The following NEDD9 variants were observed in gnomAD, a reference collection of about 807,000 sequenced individuals.
NEDD9 encodes enhancer of filamentation 1.
Under a neutral mutation model 76.6 loss-of-function variants are expected in NEDD9, and 26 were observed. The observed-to-expected ratio is 0.34, with a 90% CI of 0.25 to 0.47. NEDD9 has a LOEUF of 0.47. Among genes scored for constraint, NEDD9 ranks in the 20% least tolerant of loss-of-function variants. The pLI is 1.00. For missense variants in NEDD9, 937 were observed against 1,058.5 expected, an observed-to-expected ratio of 0.89 and a Z score of 1.59; for synonymous variants, 392 against 414.2, an observed-to-expected ratio of 0.95 and a Z score of 0.65.
At chr6:11,358,209 A>T (rs1253789215) in intron 1 of NEDD9, among the ~76,000 whole-genome samples, 1 of 135,058 alleles carries the variant, frequency 7.4e-6, no homozygotes, top group Non-Finnish European at 1.5e-5. Flanking sequence ...AGATCACGCC[A>T]CTGCACTCCC....
intron 1 of NEDD9, among the ~76,000 whole-genome samples, chr6:11,346,273 GT>G (rs1246600962): frequency 1.3e-5 from 2 of 152,168 alleles, no homozygotes; most frequent in Non-Finnish European, 2.9e-5. Flanking sequence ...CCATGGAAGG[GT>G]TTTGTTCTGC....
intron 1 of NEDD9, among the ~76,000 whole-genome samples, chr6:11,220,069 C>T (rs539104182): frequency 2.6e-5 from 4 of 152,212 alleles, no homozygotes; most frequent in Admixed American, 2.0e-4. Flanking sequence ...TACTATTTGT[C>T]GACTGTGTTC....
intron 3 of NEDD9, among the ~76,000 whole-genome samples, chr6:11,257,207 T>C (rs1760019078): frequency 6.6e-6 from 1 of 152,228 alleles, no homozygotes; most frequent in African/African-American, 2.4e-5. Flanking sequence ...TTCTTTGCTG[T>C]TGGAGAGTAT....
At chr6:11,228,502 C>T (rs1186806833) in intron 1 of NEDD9, among the ~76,000 whole-genome samples, 3 of 151,978 alleles carry the variant, frequency 2.0e-5, no homozygotes, top group Non-Finnish European at 4.4e-5. Flanking sequence ...TGCACTCCAG[C>T]CTGGGCGACA....
intron 3 of NEDD9, among the ~76,000 whole-genome samples, chr6:11,250,323 C>A (rs184388338): frequency 1.3e-5 from 2 of 152,304 alleles, no homozygotes; most frequent in East Asian, 3.9e-4. Context: ...ATTTGACATA[C>A]CATGAAAATG....
intron 3 of NEDD9, among the ~76,000 whole-genome samples, chr6:11,245,143 T>C (rs1759782948): frequency 6.6e-6 from 1 of 152,166 alleles, no homozygotes; most frequent in South Asian, 2.1e-4. Flanking sequence ...TTAGCTACAT[T>C]GTGAACTTGT....
intron 3 of NEDD9, among the ~76,000 whole-genome samples, chr6:11,275,216 G>C (rs75699881): frequency 0.012 from 1,859 of 152,262 alleles, 33 homozygotes; most frequent in African/African-American, 0.043. Flanking sequence ...GAAGTAGAGA[G>C]TAGAAAGGTG....
intron 1 of NEDD9, among the ~76,000 whole-genome samples, chr6:11,339,930 T>C (rs945573567): frequency 2.6e-5 from 4 of 152,254 alleles, no homozygotes; most frequent in African/African-American, 7.2e-5. Context: ...CTACTTCTTA[T>C]GGTTGATTCC....
At position 11,190,450 on chromosome 6, in the gene NEDD9, A is replaced by G; in HGVS notation, c.1419T>C (p.Ala473=). Residue 473 remains alanine (A), a synonymous_variant, in exon 5 of 7, where the codon GCT becomes GCC. Coordinates refer to ENST00000379446, the MANE Select transcript of NEDD9 (RefSeq NM_006403.4). This position sits in a 1 kb window ranked among gnomAD's most constrained non-coding sequence, Gnocchi z 5.8. ...LHFVKGAVAN[A]ACLPELILHN... ...GGAGGATGAGTTCCGGGAGGCAGGC[A>G]GCATTTGCAACAGCTCCCTTGACAA... 1 of 1,614,216 alleles carries G rather than the reference A, an allele frequency of 6.2e-7. No homozygotes were observed. Among genetic ancestry groups the G allele is most frequent in the South Asian group, 1.1e-5 (1 of 91,078 alleles).
intron 2 of NEDD9, among the ~76,000 whole-genome samples, chr6:11,202,694 T>C (rs1489287776): frequency 2.0e-5 from 3 of 152,234 alleles, no homozygotes; most frequent in Non-Finnish European, 4.4e-5. Context: ...TAATGAAAAC[T>C]GAGTCTGGCC....
At chr6:11,362,451 T>C (rs1762695013) in intron 1 of NEDD9, among the ~76,000 whole-genome samples, 1 of 152,218 alleles carries the variant, frequency 6.6e-6, no homozygotes, top group Non-Finnish European at 1.5e-5. Context: ...TGCCATTTAT[T>C]AGCATGTGTA....
Position 11,183,803 on chromosome 6 carries a change from T to C in NEDD9, c.*1359A>G, listed in dbSNP as rs1757910595. Reference sequence around the variant, plus strand: ...AGTAGGCTGGAATAAAAATGCTAAATAAGAACTGGGCCAAAAGATCATAGA... The same window carrying C: ...AGTAGGCTGGAATAAAAATGCTAAACAAGAACTGGGCCAAAAGATCATAGA... On this transcript the variant is annotated 3_prime_UTR_variant, in exon 7 of 7. Transcript: ENST00000379446. 6.6e-6 allele frequency: 1 copy of C among 152,220 alleles called. No homozygotes were observed. The highest frequency in any genetic ancestry group is 2.1e-4 in the South Asian group (1 of 4,836). 9.4% of individuals were successfully genotyped at this position (152,220 alleles called of 1,614,324 possible).
chr6:11,236,568 C>G (rs1382867597), upstream of NEDD9, among the ~76,000 whole-genome samples: 3 of 152,192 alleles, frequency 2.0e-5, no homozygotes, highest in African/African-American at 4.8e-5. The surrounding 1 kb of genome is among the most constrained non-coding windows in gnomAD (Gnocchi z 5.5). Context: ...AATCCAGCCA[C>G]TCATAGAGAG....
intron 1 of NEDD9, among the ~76,000 whole-genome samples, chr6:11,356,442 T>C (rs1205219189): frequency 6.6e-6 from 1 of 152,212 alleles, no homozygotes; most frequent in East Asian, 1.9e-4. Flanking sequence ...ATTAATAATA[T>C]ATTACTTTCC....
chr6:11,272,663 C>T (rs1052352030), intron 3 of NEDD9, among the ~76,000 whole-genome samples: 1 of 152,148 alleles, frequency 6.6e-6, no homozygotes, highest in Admixed American at 6.5e-5. Context: ...CAGTTCCTTG[C>T]CTCCCCTTCC....
At chr6:11,319,539 CGG>C (rs1238860295) in intron 2 of NEDD9, among the ~76,000 whole-genome samples, 10 of 87,138 alleles carry the variant, frequency 1.1e-4, no homozygotes, top group Admixed American at 6.4e-4. Context: ...CACTAACATG[CGG>C]ACACACACTA....
At chr6:11,367,531 G>T (rs1762789691) in intron 1 of NEDD9, among the ~76,000 whole-genome samples, 2 of 152,184 alleles carry the variant, frequency 1.3e-5, no homozygotes, top group Non-Finnish European at 2.9e-5. Flanking sequence ...AGGACCAACT[G>T]CATCTATCAG....
chr6:11,379,061 A>T (rs1194639693), intron 1 of NEDD9, among the ~76,000 whole-genome samples: 1 of 152,230 alleles, frequency 6.6e-6, no homozygotes, highest in Non-Finnish European at 1.5e-5. Flanking sequence ...GTAGCTAACA[A>T]GGGCAGCTTG....
At chr6:11,291,395 C>A (rs1760766863) in intron 3 of NEDD9, among the ~76,000 whole-genome samples, 1 of 151,484 alleles carries the variant, frequency 6.6e-6, no homozygotes, top group African/African-American at 2.4e-5. Context: ...CTGCCTCAGC[C>A]TCCCCAGTAG....
Sources: gnomAD v4.1 joint callset for allele counts (sites outside exome capture counted in the v4.1 genomes callset) on GRCh38, gnomAD v4.1.1 for gene constraint, Gnocchi (gnomAD v3.1) non-coding constraint, MANE v1.5 for transcripts, NCBI Gene and HGNC (gene_info 2026-07-23, HGNC 2026-07-21) for gene names.